The following GABRR2 variants were observed in gnomAD, a reference collection of about 807,000 sequenced individuals.
The protein encoded by GABRR2 is gamma-aminobutyric acid receptor subunit rho-2.
Under a neutral mutation model 47.0 loss-of-function variants are expected in GABRR2, and 36 were observed. That is an observed-to-expected ratio of 0.77 (90% CI 0.59 to 1.01). The LOEUF is 1.01. Among genes scored for constraint, GABRR2 ranks in the 50% least tolerant of loss-of-function variants. GABRR2 has a pLI of 0.00. For missense variants in GABRR2, 587 were observed against 594.6 expected, an observed-to-expected ratio of 0.99 and a Z score of 0.13; for synonymous variants, 204 against 227.5, an observed-to-expected ratio of 0.90 and a Z score of 0.93.
At chr6:89,293,330 T>C (rs769797592) in intron 2 of GABRR2, among the ~76,000 whole-genome samples, 6 of 152,194 alleles carry the variant, frequency 3.9e-5, no homozygotes, top group Non-Finnish European at 7.3e-5. Flanking sequence ...TTAATGAATA[T>C]AGAGTTTCTG....
chr6:89,288,368 G>A (rs1235812227), intron 2 of GABRR2, among the ~76,000 whole-genome samples: 1 of 152,112 alleles, frequency 6.6e-6, no homozygotes, highest in East Asian at 1.9e-4. Context: ...AGAGCAAGGG[G>A]GATGATGCCA....
At chr6:89,259,606 C>T (rs1474283495) in intron 8 of GABRR2, among the ~76,000 whole-genome samples, 2 of 151,908 alleles carry the variant, frequency 1.3e-5, no homozygotes, top group Admixed American at 6.6e-5. Flanking sequence ...AAGGGTCAAG[C>T]GATTCTCCTG....
intron 2 of GABRR2, among the ~76,000 whole-genome samples, chr6:89,287,837 T>C (rs1774357802): frequency 6.6e-6 from 1 of 152,216 alleles, no homozygotes. Flanking sequence ...GCACTTCCTA[T>C]ATGCCATGTA....
At chr6:89,307,814 CTT>C (rs1247224346) in intron 1 of GABRR2, among the ~76,000 whole-genome samples, 10 of 125,286 alleles carry the variant, frequency 8.0e-5, no homozygotes, top group Admixed American at 2.4e-4. Flanking sequence ...ACTTCATTCA[CTT>C]TTTTTTTTTT....
chr6:89,281,322 A>C (rs1774252433), intron 2 of GABRR2, among the ~76,000 whole-genome samples: 1 of 152,228 alleles, frequency 6.6e-6, no homozygotes, highest in South Asian at 2.1e-4. Context: ...ATCCAGAGGA[A>C]GGATCAGTGA....
At position 89,300,844 on chromosome 6, in the gene GABRR2, C is replaced by T. The variant is rs112012931; in HGVS notation, c.114-979G>A. Among the ~76,000 whole-genome samples the T allele has an allele frequency of 2.4e-3, 370 of 151,432 alleles. 4 individuals are homozygous for T. The highest frequency in any genetic ancestry group is 8.6e-3 in the African/African-American group (357 of 41,332). ...TGGTACCATTCCTACTAAAACTATT[C>T]CAAAAAATTGAGGAGGCGGGACTCC... is the stretch of plus-strand genomic sequence containing the variant. On this transcript the variant is annotated intron_variant, in intron 1 of 8. Coordinates refer to ENST00000402938, the MANE Select transcript of GABRR2 (RefSeq NM_002043.5).
intron 7 of GABRR2, 24 bp downstream of exon 7, chr6:89,265,589 C>T (rs1166021793): frequency 1.2e-6 from 2 of 1,601,306 alleles, no homozygotes; most frequent in African/African-American, 2.7e-5. Context: ...AACCACCCTA[C>T]CACACCTTAT....
At chr6:89,280,117 G>A (rs1279497524) in intron 2 of GABRR2, among the ~76,000 whole-genome samples, 1 of 151,528 alleles carries the variant, frequency 6.6e-6, no homozygotes, top group Non-Finnish European at 1.5e-5. Context: ...GCTGAGGTAG[G>A]AGAATCGCTT....
chr6:89,309,121 T>C (rs1270286891), intron 1 of GABRR2, among the ~76,000 whole-genome samples: 1 of 152,170 alleles, frequency 6.6e-6, no homozygotes, highest in Admixed American at 6.5e-5. Flanking sequence ...GCAAATGTCC[T>C]GAGGAGAGCC....
At chr6:89,274,684 C>T (rs981320169) in intron 2 of GABRR2, among the ~76,000 whole-genome samples, 3 of 151,970 alleles carry the variant, frequency 2.0e-5, no homozygotes, top group East Asian at 1.9e-4. Flanking sequence ...CTCAATAACA[C>T]GGCGAAACCC....
intron 1 of GABRR2, among the ~76,000 whole-genome samples, chr6:89,307,395 C>T (rs774785983): frequency 4.0e-4 from 61 of 152,184 alleles, no homozygotes; most frequent in Non-Finnish European, 7.9e-4. Context: ...GATTCTCAAA[C>T]TTAGCTACAG....
rs1773564338 is a variant in GABRR2, at chr6:89,254,591, T to C, written c.*3079A>G. On this transcript the variant is annotated 3_prime_UTR_variant, in exon 9 of 9. Transcript: ENST00000402938. ...TTTGATTGTTAGTATTTTTTCTCAG[T>C]ACATAAAATATGGGTGCATCTTACA... is the stretch of plus-strand genomic sequence containing the variant. 6.6e-6 allele frequency among the ~76,000 whole-genome samples: 1 copy of C among 152,234 alleles called. No homozygotes were observed. The highest frequency in any genetic ancestry group is 1.5e-5 in the Non-Finnish European group (1 of 68,036).
chr6:89,302,190 C>T (rs1346587677), intron 1 of GABRR2: 25 of 556,100 alleles, frequency 4.5e-5, no homozygotes, highest in Middle Eastern at 3.1e-4. Flanking sequence ...CTGACCCTCT[C>T]GCTGGGCGGG....
At chr6:89,281,729 G>A (rs1424518256) in intron 2 of GABRR2, among the ~76,000 whole-genome samples, 1 of 152,152 alleles carries the variant, frequency 6.6e-6, no homozygotes, top group Non-Finnish European at 1.5e-5. Flanking sequence ...AGAGGCAAAA[G>A]GGGGCCCTTG....
intron 1 of GABRR2, among the ~76,000 whole-genome samples, chr6:89,304,355 A>G (rs1467469150): frequency 3.9e-5 from 6 of 152,248 alleles, no homozygotes; most frequent in Non-Finnish European, 8.8e-5. Context: ...CACTTTGAGA[A>G]GATGAGGCAG....
In GABRR2 at chr6:89,265,729, C is replaced by A; in HGVS notation, c.773G>T (p.Arg258Leu). The A allele has an allele frequency of 6.2e-7, 1 of 1,614,024 alleles. No homozygotes were observed. The change falls in exon 7 of 9, where the codon CGT (arginine) becomes CTT (leucine). Residue 258 changes from arginine (R) to leucine (L), a missense_variant. Physicochemically the swap from Arg to Leu is moderately radical, Grantham distance 102. Coordinates refer to ENST00000402938, the MANE Select transcript of GABRR2 (RefSeq NM_002043.5). ...YNRLYINFTL[R>L]RHIFFFLLQT... ...GAGCAAGAAGAAGAAGATGTGGCGA[C>A]GCAACGTGAAGTTAATGTACAGACG... is the stretch of plus-strand genomic sequence containing the variant.
rs181374667 is a variant in GABRR2, at chr6:89,269,249, G to T, written c.289-15C>A. The T allele has an allele frequency of 6.2e-7, 1 of 1,606,726 alleles. No homozygotes were observed. The highest frequency in any genetic ancestry group is 1.1e-5 in the South Asian group (1 of 90,916). On this transcript the variant is annotated splice_polypyrimidine_tract_variant and intron_variant, in intron 3 of 8. Transcript: ENST00000402938. ...ATAGTGAAGTCCTGTGGGAGCCGGG[G>T]TGAGACCAGACAAAAATGGCTTAGA...
chr6:89,255,632 G>C lies in GABRR2; in HGVS notation c.*2038C>G, dbSNP rs554779284. On this transcript the variant is annotated 3_prime_UTR_variant, in exon 9 of 9. Coordinates refer to ENST00000402938, the MANE Select transcript of GABRR2 (RefSeq NM_002043.5). ...GACCTGCCTTGATCCCTAGTGTTGTGGAAAAAGCTAGTCGCTCACCTCCTC... is the reference window on the plus strand; with the variant it reads ...GACCTGCCTTGATCCCTAGTGTTGTCGAAAAAGCTAGTCGCTCACCTCCTC... Among the ~76,000 whole-genome samples, 2 of 152,214 alleles carry C rather than the reference G, an allele frequency of 1.3e-5. No homozygotes were observed. Among genetic ancestry groups the C allele is most frequent in the East Asian group, 3.9e-4 (2 of 5,184 alleles).
At chr6:89,310,241 C>T (rs948978518) in intron 1 of GABRR2, among the ~76,000 whole-genome samples, 3 of 152,162 alleles carry the variant, frequency 2.0e-5, no homozygotes, top group African/African-American at 7.2e-5. Context: ...CCACAGGCTG[C>T]TGGCACCGCC....
Sources: allele counts gnomAD v4.1 joint callset (sites outside exome capture counted in the v4.1 genomes callset), GRCh38; gene constraint gnomAD v4.1.1; transcripts MANE v1.5; gene names NCBI Gene and HGNC (gene_info 2026-07-23, HGNC 2026-07-21).